Variants in CERS6 observed in about 807,000 individuals in gnomAD.
CERS6 encodes the protein LAG1 homolog, ceramide synthase 6.
Under a neutral mutation model 56.8 loss-of-function variants are expected in CERS6, and 26 were observed. That is an observed-to-expected ratio of 0.46 (90% CI 0.34 to 0.63). The LOEUF (loss-of-function observed/expected upper bound fraction) is 0.63. CERS6 is among the 30% of genes least tolerant of loss of function. CERS6 has a pLI of 0.01. For missense variants in CERS6, 415 were observed against 467.5 expected (o/e 0.89, Z 1.04); for synonymous variants, 164 against 173.3 (o/e 0.95, Z 0.42).
chr2:168,757,095 T>A (rs369880628), intron 8 of CERS6, among the ~76,000 whole-genome samples: 6 of 152,144 alleles, frequency 3.9e-5, no homozygotes, highest in Admixed American at 2.6e-4. Flanking sequence ...TTTGGCACAG[T>A]GCTTAACACG....
chr2:168,737,390 G>A (rs926379615), intron 8 of CERS6, among the ~76,000 whole-genome samples: 2 of 152,126 alleles, frequency 1.3e-5, no homozygotes, highest in African/African-American at 2.4e-5. Context: ...AAAATTCTGC[G>A]GCGTCCTTTT....
intron 1 of CERS6, among the ~76,000 whole-genome samples, chr2:168,519,153 A>C (rs1416791027): frequency 6.6e-6 from 1 of 152,176 alleles, no homozygotes; most frequent in Non-Finnish European, 1.5e-5. Flanking sequence ...CATCATAAAT[A>C]TGGGTTAATG....
At chr2:168,517,269 A>G (rs1694898829) in intron 1 of CERS6, among the ~76,000 whole-genome samples, 1 of 151,814 alleles carries the variant, frequency 6.6e-6, no homozygotes, top group South Asian at 2.1e-4. Flanking sequence ...AGTTGGGTGG[A>G]TCACCTGAAG....
At chr2:168,562,125 T>C (rs940511715) in intron 3 of CERS6, among the ~76,000 whole-genome samples, 3 of 152,222 alleles carry the variant, frequency 2.0e-5, no homozygotes, top group African/African-American at 7.2e-5. Flanking sequence ...AGCTGTTTCC[T>C]GACGTCTGGT....
intron 9 of CERS6, chr2:168,766,484 GCTCTGTGAA>G: frequency 5.1e-6 from 4 of 781,178 alleles, no homozygotes; most frequent in Non-Finnish European, 8.8e-6. Flanking sequence ...GTGAGCTGTA[GCTCTGTGAA>G]CTGCAAGAGA....
At chr2:168,460,733 G>C (rs920234184) in intron 1 of CERS6, among the ~76,000 whole-genome samples, 1 of 152,210 alleles carries the variant, frequency 6.6e-6, no homozygotes, top group African/African-American at 2.4e-5. Flanking sequence ...GACTGGGTAA[G>C]AATGAGAAGC....
At chr2:168,545,025 C>G (rs935839654) in intron 1 of CERS6, among the ~76,000 whole-genome samples, 2 of 151,930 alleles carry the variant, frequency 1.3e-5, no homozygotes, top group Non-Finnish European at 2.9e-5. Context: ...GAAACCTTAC[C>G]CATGGCTCCT....
At chr2:168,651,961 C>T (rs1466432525) in intron 4 of CERS6, among the ~76,000 whole-genome samples, 1 of 152,122 alleles carries the variant, frequency 6.6e-6, no homozygotes, top group Non-Finnish European at 1.5e-5. Flanking sequence ...GCTGGTAAAG[C>T]ACATGTGTGC....
chr2:168,721,640 A>G (rs137992808), intron 8 of CERS6, among the ~76,000 whole-genome samples: 56 of 150,544 alleles, frequency 3.7e-4, no homozygotes, highest in Admixed American at 7.9e-4. Flanking sequence ...AAAAAAACCA[A>G]CGGGGTCTTG....
intron 8 of CERS6, among the ~76,000 whole-genome samples, chr2:168,757,276 C>T (rs1369942621): frequency 2.7e-5 from 4 of 150,406 alleles, no homozygotes; most frequent in Non-Finnish European, 5.9e-5. Context: ...AGGTCAGGAG[C>T]GTAGGTAAGT....
intron 2 of CERS6, among the ~76,000 whole-genome samples, chr2:168,558,653 A>C (rs937070579): frequency 1.9e-4 from 29 of 152,312 alleles, no homozygotes; most frequent in African/African-American, 6.7e-4. Flanking sequence ...GTGGATCACA[A>C]GGTCAGGAGA....
chr2:168,749,430 G>A (rs568039742), intron 8 of CERS6, among the ~76,000 whole-genome samples: 24 of 152,250 alleles, frequency 1.6e-4, no homozygotes, highest in African/African-American at 5.8e-4. Context: ...CCTTTTCCCT[G>A]GCCTCCTGTC....
chr2:168,500,795 A>G (rs1481121684), intron 1 of CERS6, among the ~76,000 whole-genome samples: 2 of 152,264 alleles, frequency 1.3e-5, no homozygotes, highest in Non-Finnish European at 2.9e-5. Context: ...CAGTGTCCTC[A>G]GAGAAAAGGG....
intron 1 of CERS6, among the ~76,000 whole-genome samples, chr2:168,482,304 T>A (rs550663274): frequency 1.3e-5 from 2 of 152,348 alleles, no homozygotes; most frequent in South Asian, 2.1e-4. Context: ...ACTAGATCAA[T>A]GGACTTGGAA....
intron 8 of CERS6, among the ~76,000 whole-genome samples, chr2:168,722,792 A>G (rs1683219147): frequency 6.6e-6 from 1 of 152,166 alleles, no homozygotes; most frequent in South Asian, 2.1e-4. Context: ...ATGCTATCCA[A>G]GGGAGTGTTG....
intron 3 of CERS6, among the ~76,000 whole-genome samples, chr2:168,612,723 G>A (rs767586497): frequency 7.9e-5 from 12 of 152,218 alleles, no homozygotes; most frequent in Non-Finnish European, 1.6e-4. Context: ...CTCTGGATAT[G>A]TAAGAATTGC....
chr2:168,556,059 A>G (rs6724819), intron 2 of CERS6, among the ~76,000 whole-genome samples: 3,861 of 152,212 alleles, frequency 0.025, 131 homozygotes, highest in East Asian at 0.17. Context: ...AAGCAAATCA[A>G]TATGTCATCT....
chr2:168,495,547 AAAAC>A (rs1156824691), intron 1 of CERS6, among the ~76,000 whole-genome samples: 5 of 152,216 alleles, frequency 3.3e-5, no homozygotes, highest in East Asian at 1.9e-4. Flanking sequence ...CAAAGACAAC[AAAAC>A]AAACAAACAA....
At chr2:168,484,851 A>T (rs956914337) in intron 1 of CERS6, among the ~76,000 whole-genome samples, 1 of 152,110 alleles carries the variant, frequency 6.6e-6, no homozygotes, top group African/African-American at 2.4e-5. Flanking sequence ...CTTTAAGGGG[A>T]TGTGAAGAGG....
Sources: gnomAD v4.1 joint callset for allele counts (sites outside exome capture counted in the v4.1 genomes callset) on GRCh38, gnomAD v4.1.1 for gene constraint, MANE v1.5 for transcripts, NCBI Gene and HGNC (gene_info 2026-07-23, HGNC 2026-07-21) for gene names.